The following PTPRM variants were observed in gnomAD, a reference collection of about 807,000 sequenced individuals.
The protein encoded by PTPRM is receptor-type tyrosine-protein phosphatase mu.
In PTPRM, 47 loss-of-function variants were observed where a neutral mutation model predicts 186.7. The ratio of observed to expected loss-of-function variants is 0.25; its 90% CI spans 0.20 to 0.32. The LOEUF (loss-of-function observed/expected upper bound fraction) is 0.32, where lower values mean the gene tolerates loss of function less well. PTPRM is among the 10% of genes least tolerant of loss of function. The pLI is 1.00. For synonymous variants in PTPRM, 668 were observed against 674.9 expected, an observed-to-expected ratio of 0.99 and a Z score of 0.16; for missense variants, 1,494 against 1,865.0, an observed-to-expected ratio of 0.80 and a Z score of 3.66.
chr18:8,259,488 T>TC (rs1053424579), intron 19 of PTPRM, among the ~76,000 whole-genome samples: 1 of 150,980 alleles, frequency 6.6e-6, no homozygotes, highest in Non-Finnish European at 1.5e-5. Flanking sequence ...GAGTTGTATA[T>TC]CCCCCCACCT....
chr18:8,268,650 G>A (rs2147596360), intron 19 of PTPRM, among the ~76,000 whole-genome samples: 1 of 152,136 alleles, frequency 6.6e-6, no homozygotes, highest in African/African-American at 2.4e-5. Flanking sequence ...AATATCCCCA[G>A]TGAATGTAGA....
intron 17 of PTPRM, among the ~76,000 whole-genome samples, chr18:8,249,577 G>A (rs1405018180): frequency 6.6e-6 from 1 of 152,160 alleles, no homozygotes; most frequent in African/African-American, 2.4e-5. Flanking sequence ...ATGTGCTGTG[G>A]CATTCATTCT....
intron 20 of PTPRM, among the ~76,000 whole-genome samples, chr18:8,309,094 G>A (rs901406943): frequency 1.3e-5 from 2 of 152,138 alleles, no homozygotes; most frequent in African/African-American, 4.8e-5. Flanking sequence ...TCTCCCTTCT[G>A]TTGATGGACA....
intron 32 of PTPRM, among the ~76,000 whole-genome samples, chr18:8,405,750 C>T (rs573566161): frequency 1.6e-4 from 25 of 152,336 alleles, no homozygotes; most frequent in Middle Eastern, 3.4e-3. Context: ...GTCAGGAAGG[C>T]ATTTCCTGAA....
intron 4 of PTPRM, among the ~76,000 whole-genome samples, chr18:7,917,078 G>A (rs1031437282): frequency 1.3e-5 from 2 of 152,072 alleles, no homozygotes; most frequent in Non-Finnish European, 2.9e-5. Flanking sequence ...CATCATGTAT[G>A]TACTCTAGGC....
chr18:8,403,068 GA>G (rs2095880668), intron 32 of PTPRM: 1 of 152,136 alleles, frequency 6.6e-6, no homozygotes, highest in Non-Finnish European at 1.5e-5. Flanking sequence ...CCTGTTTTAT[GA>G]CCAGAGGGGA....
chr18:7,846,177 G>A (rs1432572318), intron 2 of PTPRM, among the ~76,000 whole-genome samples: 1 of 152,154 alleles, frequency 6.6e-6, no homozygotes. Context: ...TTAAAGCAGA[G>A]GAGGGATGTA....
chr18:8,226,788 G>A (rs2094218877), intron 14 of PTPRM, among the ~76,000 whole-genome samples: 1 of 152,168 alleles, frequency 6.6e-6, no homozygotes, highest in Non-Finnish European at 1.5e-5. Flanking sequence ...GGTTTTGCTT[G>A]GCTAAAGTCA....
chr18:8,057,266 G>C (rs1268635833), intron 7 of PTPRM, among the ~76,000 whole-genome samples: 1 of 151,706 alleles, frequency 6.6e-6, no homozygotes, highest in Non-Finnish European at 1.5e-5. Context: ...GTTAACATTT[G>C]ATATTAGTGG....
chr18:8,386,074 C>G (rs1426021865), intron 30 of PTPRM, among the ~76,000 whole-genome samples: 1 of 151,914 alleles, frequency 6.6e-6, no homozygotes, highest in African/African-American at 2.4e-5. Flanking sequence ...CCCGTGTAAC[C>G]GGATTGTTTG....
chr18:7,793,509 T>A (rs994572478), intron 2 of PTPRM, among the ~76,000 whole-genome samples: 1 of 152,218 alleles, frequency 6.6e-6, no homozygotes, highest in African/African-American at 2.4e-5. Flanking sequence ...TTACCTTCCT[T>A]CTAAATGACA....
chr18:7,583,230 A>G lies in PTPRM; in HGVS notation c.73+15339A>G, dbSNP rs570421205. ...CTCCTGGTTTCCTAGAAATAAGGAA[A>G]AAGGAAATGTGACAATTGCATGCCA... On this transcript the variant is annotated intron_variant, in intron 1 of 32. Coordinates refer to ENST00000580170, the MANE Select transcript of PTPRM (RefSeq NM_001105244.2). Among the ~76,000 whole-genome samples, 34 of 152,344 alleles carry G rather than the reference A, an allele frequency of 2.2e-4. 1 individual carries two copies. The highest frequency in any genetic ancestry group is 1.7e-3 in the South Asian group (8 of 4,822).
At chr18:8,159,793 A>G (rs2093193565) in intron 14 of PTPRM, among the ~76,000 whole-genome samples, 1 of 152,196 alleles carries the variant, frequency 6.6e-6, no homozygotes, top group Admixed American at 6.5e-5. Context: ...TACCGTCAGT[A>G]AAGAAAAATA....
chr18:7,888,225 A>C lies in PTPRM; in HGVS notation c.316A>C (p.Lys106Gln), dbSNP rs183539758. ...CIDFHYFVSS[K>Q]SNSPPGLLNV... ...CGATTTTCACTATTTTGTGTCCAGCAAGAGTAATTCTCCTCCGGGGTTACT... is the reference window on the plus strand; with the variant it reads ...CGATTTTCACTATTTTGTGTCCAGCCAGAGTAATTCTCCTCCGGGGTTACT... The change falls in exon 3 of 33, where the codon AAG becomes CAG. Residue 106 changes from lysine to glutamine, a missense_variant. Lys to Gln is a moderately conservative substitution (Grantham distance 53, BLOSUM62 1). Transcript: ENST00000580170. 2.9e-5 allele frequency: 47 copies of C among 1,614,160 alleles called. No individual in the cohort carries two copies. In the East Asian group the frequency reaches 1.0e-3, roughly 35 times the overall value.
At chr18:7,726,131 G>A (rs2040544400) in intron 1 of PTPRM, among the ~76,000 whole-genome samples, 2 of 152,202 alleles carry the variant, frequency 1.3e-5, no homozygotes, top group Admixed American at 6.5e-5. Flanking sequence ...AGTAGAATTC[G>A]CCCCTGCCAG....
At chr18:7,847,534 T>C (rs573049162) in intron 2 of PTPRM, among the ~76,000 whole-genome samples, 1 of 152,120 alleles carries the variant, frequency 6.6e-6, no homozygotes, top group African/African-American at 2.4e-5. Flanking sequence ...GAATAGAGTT[T>C]GGTTTCAGGC....
chr18:7,868,186 A>G (rs1650918858), intron 2 of PTPRM, among the ~76,000 whole-genome samples: 1 of 152,050 alleles, frequency 6.6e-6, no homozygotes, highest in Non-Finnish European at 1.5e-5. Flanking sequence ...CACCTTCTGA[A>G]GCCTACTGTC....
intron 14 of PTPRM, among the ~76,000 whole-genome samples, chr18:8,170,495 T>TA (rs754885084): frequency 0.013 from 1,726 of 133,448 alleles, 19 homozygotes; most frequent in African/African-American, 0.037. Flanking sequence ...GCTCAAGGGT[T>TA]AAAAAAAAAA....
chr18:7,927,803 G>A (rs1466437129), intron 5 of PTPRM, among the ~76,000 whole-genome samples: 1 of 152,096 alleles, frequency 6.6e-6, no homozygotes, highest in African/African-American at 2.4e-5. Flanking sequence ...CCCAGGATGC[G>A]GTAGAGTGGT....
Sources: gnomAD v4.1 joint callset for allele counts (sites outside exome capture counted in the v4.1 genomes callset) on GRCh38, gnomAD v4.1.1 for gene constraint, MANE v1.5 for transcripts, NCBI Gene and HGNC (gene_info 2026-07-23, HGNC 2026-07-21) for gene names.